CDC16: variants seen among roughly 807,000 people sequenced by gnomAD.
CDC16 encodes cell division cycle protein 16 homolog.
A neutral mutation model predicts 87.0 loss-of-function variants in CDC16; 34 were observed. The observed-to-expected ratio is 0.39, with a 90% CI of 0.30 to 0.52. The LOEUF (loss-of-function observed/expected upper bound fraction) is 0.52, where lower values mean the gene tolerates loss of function less well. Ranked by LOEUF, CDC16 falls within the 20% of genes least tolerant of loss-of-function variation. The pLI is 0.74. For missense variants in CDC16, 653 were observed against 751.9 expected (o/e 0.87, Z 1.54); for synonymous variants, 263 against 260.6 (o/e 1.01, Z -0.09).
intron 11 of CDC16, 25 bp downstream of exon 11, chr13:114,247,029 T>C (rs773934904): frequency 1.4e-6 from 2 of 1,454,886 alleles, no homozygotes; most frequent in South Asian, 2.3e-5. Flanking sequence ...TTTTCCTCTC[T>C]AGTTAACCTG....
chr13:114,263,305 C>T (rs1158203947), intron 16 of CDC16, among the ~76,000 whole-genome samples: 5 of 152,182 alleles, frequency 3.3e-5, no homozygotes. Flanking sequence ...ACAGTAGCCC[C>T]TTTGGGAACT....
At chr13:114,265,006 A>G (rs1237502758) in intron 16 of CDC16, 144 bp from the exon 17 acceptor site, 2 of 641,184 alleles carry the variant, frequency 3.1e-6, no homozygotes, top group Non-Finnish European at 2.8e-6. Context: ...CAACTTCAAC[A>G]ATCTTTGGTT....
intron 12 of CDC16, among the ~76,000 whole-genome samples, chr13:114,252,696 T>A (rs1007432224): frequency 1.3e-5 from 2 of 152,222 alleles, no homozygotes; most frequent in African/African-American, 4.8e-5. Flanking sequence ...GAGCATATGC[T>A]ACAGTCTGGT....
In CDC16 at chr13:114,265,217, T is replaced by C. The variant is rs753635782; in HGVS notation, c.1580T>C (p.Ile527Thr). The change falls in exon 17 of 18, where the codon ATT (isoleucine) becomes ACT (threonine). Residue 527 changes from isoleucine to threonine, a missense_variant. Coordinates refer to ENST00000356221, the MANE Select transcript of CDC16 (RefSeq NM_001078645.3). ...CTTGGTCATTGCATCGAAATGTACA[T>C]TGGTGATTCTGAAGCTTATATTGGT... ...TMLGHCIEMYIGDSEAYIGAD... is the reference protein window; with the variant it reads ...TMLGHCIEMYTGDSEAYIGAD... 6.2e-7 allele frequency: 1 copy of C among 1,607,778 alleles called. No individual in the cohort carries two copies. The highest frequency in any genetic ancestry group is 8.5e-7 in the Non-Finnish European group (1 of 1,174,218).
rs57236351 is a variant in CDC16 at position 114,237,222 on chromosome 13, CAAA to C, written c.201+337_201+339del. On this transcript the variant is annotated intron_variant, in intron 3 of 17. Coordinates refer to ENST00000356221, the MANE Select transcript of CDC16 (RefSeq NM_001078645.3). The stretch of plus-strand genomic sequence containing the variant: ...TGGACAACAGAGCAAGACTCTGTCT[CAAA>C]AAAAAAAAAAGTCATTAGGGTTTTA... Among the ~76,000 whole-genome samples, 7 of 135,474 alleles carry C rather than the reference CAAA, an allele frequency of 5.2e-5. No homozygotes were observed. The South Asian group carries it at 1.6e-3, about 32-fold the overall frequency. The allele number at this position is 135,474 out of a possible 152,430, so 88.9% of individuals were successfully genotyped here.
intron 14 of CDC16, 26 bp from the exon 15 acceptor site, chr13:114,261,861 G>C (rs746806949): frequency 4.5e-6 from 7 of 1,546,238 alleles, no homozygotes; most frequent in Non-Finnish European, 6.2e-6. Context: ...TATATAACTC[G>C]TGGGCTTGAT....
chr13:114,238,791 T>C (rs986701868), intron 3 of CDC16, among the ~76,000 whole-genome samples, 199 bp from the exon 4 acceptor site: 15 of 152,240 alleles, frequency 9.9e-5, no homozygotes. Flanking sequence ...GGCAGGGCCT[T>C]ACTGCTTTTG....
intron 6 of CDC16, 27 bp from the exon 7 acceptor site, chr13:114,243,230 A>G (rs746626669): frequency 1.0e-6 from 1 of 1,001,500 alleles, no homozygotes; most frequent in Non-Finnish European, 1.6e-6. Context: ...TTATGAGGAT[A>G]TTCTTTTTTT....
chr13:114,249,328 T>G (rs912114215), intron 11 of CDC16, among the ~76,000 whole-genome samples: 1 of 129,642 alleles, frequency 7.7e-6, no homozygotes, highest in African/African-American at 4.0e-5. Flanking sequence ...AAATACAGAT[T>G]AAGCTTTTTT....
intron 12 of CDC16, among the ~76,000 whole-genome samples, chr13:114,256,551 C>G (rs1300363135): frequency 1.3e-5 from 2 of 152,194 alleles, no homozygotes; most frequent in African/African-American, 4.8e-5. Context: ...CTGCCTAGAA[C>G]TGTCTCAGAA....
In CDC16 at chr13:114,246,966, G is replaced by C; in HGVS notation, c.933G>C (p.Met311Ile). 6.2e-7 allele frequency: 1 copy of C among 1,613,108 alleles called. No individual in the cohort carries two copies. The highest frequency in any genetic ancestry group is 1.1e-5 in the South Asian group (1 of 91,052). The change falls in exon 11 of 18, where the codon ATG becomes ATC. Residue 311 changes from methionine (M) to isoleucine (I), a missense_variant. Met to Ile is a conservative substitution (Grantham distance 10, BLOSUM62 1). Coordinates refer to ENST00000356221, the MANE Select transcript of CDC16 (RefSeq NM_001078645.3). ...SWFAVGCYYL[M>I]VGHKNEHARR... ...TTGCAGTGGGATGTTACTATCTCAT[G>C]GTCGGTCATAAAAATGAACATGCCA...
intron 12 of CDC16, among the ~76,000 whole-genome samples, chr13:114,255,451 T>A (rs1254326273): frequency 6.6e-6 from 1 of 152,168 alleles, no homozygotes; most frequent in East Asian, 1.9e-4. Flanking sequence ...TAATTGCACA[T>A]TGAGTATCCC....
At position 114,272,175 on chromosome 13, in the gene CDC16, T is replaced by G. The variant is rs2083729202; in HGVS notation, c.1604-9T>G. 7.0e-7 allele frequency: 1 copy of G among 1,422,156 alleles called. No homozygotes were observed. Among genetic ancestry groups the G allele is most frequent in the Non-Finnish European group, 9.7e-7 (1 of 1,035,764 alleles). 88.1% of individuals were successfully genotyped at this position (1,422,156 alleles called of 1,614,324 possible). A position where few individuals can be genotyped will look rare whatever the true frequency, so the allele number is the denominator to read the frequency against. ...CTTATTTTATTCTAATTATAGTATT[T>G]CTTTTTAGGAGCAGACATTAAAGAC... is the stretch of plus-strand genomic sequence containing the variant. On this transcript the variant is annotated splice_polypyrimidine_tract_variant and intron_variant, in intron 17 of 17. Transcript: ENST00000356221.
At chr13:114,256,383 C>T (rs559615240) in intron 12 of CDC16, among the ~76,000 whole-genome samples, 6 of 152,278 alleles carry the variant, frequency 3.9e-5, no homozygotes, top group Non-Finnish European at 7.3e-5. Flanking sequence ...TGAGTTATGA[C>T]TCTAGATTAG....
At chr13:114,255,118 T>C (rs2082416748) in intron 12 of CDC16, among the ~76,000 whole-genome samples, 2 of 152,244 alleles carry the variant, frequency 1.3e-5, no homozygotes, top group South Asian at 4.1e-4. Context: ...TCCTATGTAG[T>C]ATCCTTCTGT....
intron 9 of CDC16, 138 bp downstream of exon 9, chr13:114,245,107 A>G (rs2081787808): frequency 5.7e-6 from 3 of 523,516 alleles, no homozygotes; most frequent in African/African-American, 4.0e-5. Context: ...AAAAGTAACA[A>G]CTGGGGAGGA....
At chr13:114,266,959 G>A (rs1187947101) in intron 17 of CDC16, among the ~76,000 whole-genome samples, 1 of 152,062 alleles carries the variant, frequency 6.6e-6, no homozygotes, top group African/African-American at 2.4e-5. Flanking sequence ...GCCTCCCAAA[G>A]TGCTGGGATT....
chr13:114,271,813 G>A (rs188641017), intron 17 of CDC16, among the ~76,000 whole-genome samples: 7 of 152,244 alleles, frequency 4.6e-5, no homozygotes, highest in Admixed American at 1.3e-4. Context: ...AACAGCTGAG[G>A]AGAAAGTTGT....
chr13:114,236,146 T>TC (rs1342973040), intron 1 of CDC16, among the ~76,000 whole-genome samples: 1 of 152,188 alleles, frequency 6.6e-6, no homozygotes, highest in Non-Finnish European at 1.5e-5. Flanking sequence ...GGTGAGTTCT[T>TC]CCCCATGTTC....
Sources: gnomAD v4.1 joint callset for allele counts (sites outside exome capture counted in the v4.1 genomes callset) on GRCh38, gnomAD v4.1.1 for gene constraint, MANE v1.5 for transcripts, NCBI Gene and HGNC (gene_info 2026-07-23, HGNC 2026-07-21) for gene names.